The following TTLL9 variants were observed in gnomAD, a reference collection of about 807,000 sequenced individuals.
TTLL9 encodes tubulin tyrosine ligase like 9.
A neutral mutation model predicts 65.6 loss-of-function variants in TTLL9; 47 were observed. That is an observed-to-expected ratio of 0.72 (90% confidence interval 0.57 to 0.91). The LOEUF is 0.91. Ranked by LOEUF, TTLL9 falls within the 40% of genes least tolerant of loss-of-function variation. The probability of loss-of-function intolerance (pLI) is 0.00; values close to 1 mark genes in which losing one functional copy is unlikely to be tolerated. For missense variants in TTLL9, 537 were observed against 568.8 expected, an observed-to-expected ratio of 0.94 and a Z score of 0.57; for synonymous variants, 179 against 204.8, an observed-to-expected ratio of 0.87 and a Z score of 1.07.
chr20:31,927,694 T>C (rs2063932145), intron 10 of TTLL9, among the ~76,000 whole-genome samples: 1 of 151,986 alleles, frequency 6.6e-6, no homozygotes, highest in Non-Finnish European at 1.5e-5. Context: ...AGAAAAGAGG[T>C]AGACAATCCA....
chr20:31,891,843 C>T (rs1341958495), intron 3 of TTLL9, among the ~76,000 whole-genome samples: 1 of 152,158 alleles, frequency 6.6e-6, no homozygotes, highest in Non-Finnish European at 1.5e-5. Context: ...CACTCTGTCA[C>T]CCAGGCTGGA....
chr20:31,929,555 T>C (rs1050081110), intron 10 of TTLL9, among the ~76,000 whole-genome samples: 1 of 152,224 alleles, frequency 6.6e-6, no homozygotes, highest in African/African-American at 2.4e-5. Context: ...CAACATTTTC[T>C]TGCACTAAAC....
chr20:31,889,776 C>T (rs2063258349), intron 3 of TTLL9, among the ~76,000 whole-genome samples: 1 of 150,714 alleles, frequency 6.6e-6, no homozygotes, highest in South Asian at 2.1e-4. Context: ...CACTATGTTG[C>T]CCAGGCTGGT....
At chr20:31,897,427 G>A (rs1179278456) in intron 3 of TTLL9, among the ~76,000 whole-genome samples, 2 of 152,172 alleles carry the variant, frequency 1.3e-5, no homozygotes, top group African/African-American at 4.8e-5. Context: ...CAGTCTTGCT[G>A]ACAAATAGGT....
At chr20:31,938,594 G>A (rs1167925741) in intron 13 of TTLL9, among the ~76,000 whole-genome samples, 1 of 152,166 alleles carries the variant, frequency 6.6e-6, no homozygotes, top group African/African-American at 2.4e-5. Context: ...ATCACAAATA[G>A]CGGCCGGGGG....
intron 4 of TTLL9, among the ~76,000 whole-genome samples, chr20:31,901,103 A>C (rs2063471582): frequency 6.6e-6 from 1 of 152,204 alleles, no homozygotes. Context: ...TCAGACTGCC[A>C]ACCCATCAGG....
intron 2 of TTLL9, among the ~76,000 whole-genome samples, chr20:31,885,503 A>G (rs1196333551): frequency 2.0e-5 from 3 of 152,242 alleles, no homozygotes; most frequent in Non-Finnish European, 2.9e-5. Context: ...AATTGAAAGC[A>G]TGAGAGAGGA....
chr20:31,879,107 G>A lies in TTLL9; in HGVS notation c.69+7912G>A, dbSNP rs554583540. Among the ~76,000 whole-genome samples the A allele has an allele frequency of 1.2e-4, 18 of 152,276 alleles. No individual in the cohort carries two copies. In the South Asian group the frequency reaches 3.7e-3, roughly 32 times the overall value. On this transcript the variant is annotated intron_variant, in intron 2 of 14. Coordinates refer to ENST00000535842, the MANE Select transcript of TTLL9 (RefSeq NM_001008409.5). ...GGAGGTCGAGGCAGGTGGATCATGA[G>A]GTCAGGAGTTCGAGACCAGCCTGGC...
chr20:31,929,206 A>G (rs1350341988), intron 10 of TTLL9, among the ~76,000 whole-genome samples: 2 of 152,218 alleles, frequency 1.3e-5, no homozygotes, highest in African/African-American at 4.8e-5. Flanking sequence ...TCACTAATCT[A>G]TTAACTCTGA....
At chr20:31,895,639 C>T in intron 3 of TTLL9, among the ~76,000 whole-genome samples, 1 of 151,966 alleles carries the variant, frequency 6.6e-6, no homozygotes, top group South Asian at 2.1e-4. Flanking sequence ...CAGGTTCCAA[C>T]GATTCTCCTG....
intron 2 of TTLL9, among the ~76,000 whole-genome samples, chr20:31,876,854 C>T (rs1316823114): frequency 3.3e-5 from 5 of 152,130 alleles, no homozygotes; most frequent in Non-Finnish European, 7.4e-5. Flanking sequence ...TATTTCAAAT[C>T]ATACGATTAT....
At chr20:31,923,657 G>A (rs1568817709) in intron 8 of TTLL9, among the ~76,000 whole-genome samples, 1 of 152,178 alleles carries the variant, frequency 6.6e-6, no homozygotes, top group African/African-American at 2.4e-5. Flanking sequence ...AAGCTTGGTG[G>A]GTTTCCCCAG....
At chr20:31,888,100 T>C (rs544867040) in intron 3 of TTLL9, among the ~76,000 whole-genome samples, 39 of 152,194 alleles carry the variant, frequency 2.6e-4, no homozygotes, top group African/African-American at 9.2e-4. Flanking sequence ...GTCAGGCTGG[T>C]CTCGAACTCC....
intron 4 of TTLL9, among the ~76,000 whole-genome samples, chr20:31,905,467 G>A (rs1023034891): frequency 8.5e-5 from 13 of 152,180 alleles, no homozygotes. Context: ...AGGGAGGTTT[G>A]GAGAAGGACC....
At position 31,944,295 on chromosome 20, in the gene TTLL9, G is replaced by A. The variant is rs190095953; in HGVS notation, c.*1274G>A. The A allele has an allele frequency of 1.3e-5, 2 of 159,192 alleles. No homozygotes were observed. Among genetic ancestry groups the A allele is most frequent in the South Asian group, 1.8e-4 (1 of 5,460 alleles). The allele number at this position is 159,192 out of a possible 1,614,324, so 9.9% of individuals were successfully genotyped here. A position where few individuals can be genotyped will look rare whatever the true frequency, so the allele number is the denominator to read the frequency against. On this transcript the variant is annotated 3_prime_UTR_variant, in exon 15 of 15. Coordinates refer to ENST00000535842, the MANE Select transcript of TTLL9 (RefSeq NM_001008409.5). ...AGGGAGGAAGGGGCAATTTTCCAGTGATGAAATTGTGAATCAGGCAGTCAC... is the reference window on the plus strand; with the variant it reads ...AGGGAGGAAGGGGCAATTTTCCAGTAATGAAATTGTGAATCAGGCAGTCAC...
At chr20:31,913,049 A>G (rs2063680391) in intron 6 of TTLL9, among the ~76,000 whole-genome samples, 2 of 152,058 alleles carry the variant, frequency 1.3e-5, no homozygotes, top group Admixed American at 1.3e-4. Context: ...AGTGCCAGCT[A>G]CTTTGGGGGC....
intron 12 of TTLL9, among the ~76,000 whole-genome samples, chr20:31,936,637 C>T (rs771106295): frequency 7.9e-5 from 12 of 152,182 alleles, no homozygotes; most frequent in African/African-American, 1.2e-4. Flanking sequence ...CCCTCCCCAC[C>T]GCTTCCCACC....
chr20:31,870,994 A>C lies in TTLL9; in HGVS notation c.-6+45A>C. On this transcript the variant is annotated intron_variant, in intron 1 of 14. Coordinates refer to ENST00000535842, the MANE Select transcript of TTLL9 (RefSeq NM_001008409.5). This position sits in a 1 kb window ranked among gnomAD's most constrained non-coding sequence, Gnocchi z 6.6. ...ACATCCTCTCCACCCGTGCAGAGAC[A>C]CCCTACCAACCAGCCTTCCTCCTTT... The C allele has an allele frequency of 1.2e-6, 1 of 849,340 alleles. No homozygotes were observed. Among genetic ancestry groups the C allele is most frequent in the Non-Finnish European group, 2.0e-6 (1 of 495,024 alleles). 52.6% of individuals were successfully genotyped at this position (849,340 alleles called of 1,614,324 possible).
chr20:31,902,479 C>G (rs1412856613), intron 4 of TTLL9, among the ~76,000 whole-genome samples: 1 of 152,156 alleles, frequency 6.6e-6, no homozygotes, highest in Non-Finnish European at 1.5e-5. Context: ...CTCCCGGTTT[C>G]ATGCCCTTCT....
Sources: gnomAD v4.1 joint callset for allele counts (sites outside exome capture counted in the v4.1 genomes callset) on GRCh38, gnomAD v4.1.1 for gene constraint, Gnocchi (gnomAD v3.1) non-coding constraint, MANE v1.5 for transcripts, NCBI Gene and HGNC (gene_info 2026-07-23, HGNC 2026-07-21) for gene names.